The following RIC1 variants were observed in gnomAD, a reference collection of about 807,000 sequenced individuals.
RIC1 encodes the protein RIC1 partner of RAB6A GEF complex.
A neutral mutation model predicts 169.0 loss-of-function variants in RIC1; 88 were observed. That is an observed-to-expected ratio of 0.52 (90% CI 0.44 to 0.62). The LOEUF (loss-of-function observed/expected upper bound fraction) is 0.62. Ranked by LOEUF, RIC1 falls within the 20% of genes least tolerant of loss-of-function variation. The pLI is 0.00. For missense variants in RIC1, 1,877 were observed against 1,725.5 expected (o/e 1.09, Z -1.56); for synonymous variants, 790 against 601.5 (o/e 1.31, Z -4.59).
At chr9:5,704,413 C>A (rs1822431569) in intron 3 of RIC1, among the ~76,000 whole-genome samples, 1 of 151,954 alleles carries the variant, frequency 6.6e-6, no homozygotes, top group African/African-American at 2.4e-5. Flanking sequence ...GATCTCACTA[C>A]ATTGTTCAAG....
Position 5,676,591 on chromosome 9 carries a change from A to G in RIC1, c.253-13368A>G, listed in dbSNP as rs145720306. On this transcript the variant is annotated intron_variant, in intron 2 of 25. Transcript: ENST00000414202. ...ATGTTAGTAATATTTTGAAAGCTCT[A>G]TTTCTGCATCATTATTAGAGCCATA... is the stretch of plus-strand genomic sequence containing the variant. 3.8e-3 allele frequency among the ~76,000 whole-genome samples: 583 copies of G among 152,298 alleles called. 2 individuals are homozygous for G. Among genetic ancestry groups the G allele is most frequent in the African/African-American group, 0.014 (566 of 41,566 alleles).
intron 3 of RIC1, among the ~76,000 whole-genome samples, chr9:5,706,345 G>A (rs1036433833): frequency 1.1e-4 from 16 of 152,112 alleles, no homozygotes; most frequent in African/African-American, 3.4e-4. Context: ...CCAGGTACTC[G>A]GGAGGCTAAG....
intron 17 of RIC1, among the ~76,000 whole-genome samples, chr9:5,760,388 TACCC>T (rs1208138767): frequency 6.6e-6 from 1 of 152,234 alleles, no homozygotes. Flanking sequence ...ATACTGATAA[TACCC>T]ACTCACTGAA....
Position 5,765,358 on chromosome 9 carries a change from A to G in RIC1, c.2842-56A>G, listed in dbSNP as rs1031322359. ...TAGAAAACGAGATAAAGAATTGCTC[A>G]TATCTTCCCAAATTGTGTAGTATAA... is the stretch of plus-strand genomic sequence containing the variant. On this transcript the variant is annotated intron_variant, in intron 19 of 25. Coordinates refer to ENST00000414202, the MANE Select transcript of RIC1 (RefSeq NM_020829.4). The G allele has an allele frequency of 2.2e-5, 34 of 1,549,406 alleles. No homozygotes were observed. In the African/African-American group the frequency reaches 3.6e-4, roughly 16 times the overall value.
intron 3 of RIC1, among the ~76,000 whole-genome samples, chr9:5,706,769 A>AT (rs1563915753): frequency 2.6e-5 from 4 of 152,058 alleles, no homozygotes; most frequent in Admixed American, 2.6e-4. Flanking sequence ...AACCCATACT[A>AT]TTTTTTTGTA....
chr9:5,748,701 G>C (rs1825537269), intron 12 of RIC1: 1 of 152,762 alleles, frequency 6.5e-6, no homozygotes, highest in Admixed American at 6.5e-5. Context: ...AAGTAGAGCA[G>C]AGGATCAAAG....
At chr9:5,761,971 C>T (rs1826365067) in intron 17 of RIC1, among the ~76,000 whole-genome samples, 1 of 152,192 alleles carries the variant, frequency 6.6e-6, no homozygotes, top group Non-Finnish European at 1.5e-5. Flanking sequence ...TTTTAAATAA[C>T]TGTCTTATTC....
At chr9:5,742,487 C>G (rs1825138792) in intron 8 of RIC1, among the ~76,000 whole-genome samples, 1 of 151,882 alleles carries the variant, frequency 6.6e-6, no homozygotes, top group South Asian at 2.1e-4. Context: ...TACTGTGTAG[C>G]TTTTTTTAAG....
chr9:5,777,704 C>T (rs1473141981), downstream of RIC1, among the ~76,000 whole-genome samples: 2 of 152,118 alleles, frequency 1.3e-5, no homozygotes, highest in Non-Finnish European at 2.9e-5. Flanking sequence ...TGACTTCGTT[C>T]TTCTAACGTG....
chr9:5,680,427 T>G (rs1013770665), intron 2 of RIC1, among the ~76,000 whole-genome samples: 1 of 152,224 alleles, frequency 6.6e-6, no homozygotes, highest in African/African-American at 2.4e-5. Context: ...TACCATCTCT[T>G]CCTTGTACCT....
At chr9:5,657,595 G>T (rs1819176319) in intron 2 of RIC1, among the ~76,000 whole-genome samples, 1 of 152,084 alleles carries the variant, frequency 6.6e-6, no homozygotes, top group African/African-American at 2.4e-5. Context: ...TAGCTACTCA[G>T]CTTCCATTTA....
intron 2 of RIC1, among the ~76,000 whole-genome samples, chr9:5,679,157 A>G (rs1482993126): frequency 2.0e-5 from 3 of 152,086 alleles, no homozygotes; most frequent in East Asian, 1.9e-4. Flanking sequence ...ATAGTTGTAG[A>G]TATGTGGCAT....
intron 22 of RIC1, among the ~76,000 whole-genome samples, 182 bp from the exon 23 acceptor site, chr9:5,769,905 A>G (rs1483635082): frequency 6.6e-6 from 1 of 152,220 alleles, no homozygotes; most frequent in Non-Finnish European, 1.5e-5. Flanking sequence ...TGGTCAGTCC[A>G]TTGTTACACA....
rs925402234 is a variant in RIC1, at chr9:5,629,251, G to A, written c.-59G>A. ...TGGCGGTGTGGGAGGTGGGCGACCA[G>A]CCCGGGGCCGCTGAGTGTGACGGAC... On this transcript the variant is annotated 5_prime_UTR_variant, in exon 1 of 26. Coordinates refer to ENST00000414202, the MANE Select transcript of RIC1 (RefSeq NM_020829.4). The A allele has an allele frequency of 1.4e-6, 2 of 1,391,726 alleles. No individual in the cohort carries two copies. The highest frequency in any genetic ancestry group is 1.9e-6 in the Non-Finnish European group (2 of 1,070,604). 86.2% of individuals were successfully genotyped at this position (1,391,726 alleles called of 1,614,324 possible). A position where few individuals can be genotyped will look rare whatever the true frequency, so the allele number is the denominator to read the frequency against.
intron 1 of RIC1, among the ~76,000 whole-genome samples, chr9:5,646,124 G>A (rs1024881173): frequency 6.6e-6 from 1 of 151,924 alleles, no homozygotes; most frequent in African/African-American, 2.4e-5. Flanking sequence ...CATTCCATTG[G>A]GTCCAATGTG....
In RIC1 at chr9:5,746,006, C is replaced by T. The variant is rs1825355412; in HGVS notation, c.1171C>T (p.Leu391Phe). 1 of 1,613,472 alleles carries T rather than the reference C, an allele frequency of 6.2e-7. No homozygotes were observed. Among genetic ancestry groups the T allele is most frequent in the African/African-American group, 1.3e-5 (1 of 74,872 alleles). The stretch of plus-strand genomic sequence containing the variant: ...TCAAAACACTGAAATTGAGTCTGAC[C>T]TCAGGAGTGTAGTTAAACAGCCCAG... Reference protein sequence around the residue: ...GSQNTEIESDLRSVVKQPSIL... With the variant: ...GSQNTEIESDFRSVVKQPSIL... The change falls in exon 11 of 26, where the codon CTC becomes TTC. Residue 391 changes from leucine to phenylalanine, a missense_variant. This residue lies in a region of RIC1 where 1,104 missense variants were observed against 992.0 expected (regional missense o/e 1.11). Transcript: ENST00000414202.
chr9:5,742,778 T>G, intron 8 of RIC1, 91 bp from the exon 9 acceptor site: 1 of 1,172,326 alleles, frequency 8.5e-7, no homozygotes, highest in Non-Finnish European at 1.2e-6. Flanking sequence ...CATTTAGATT[T>G]GAAAATACAG....
At chr9:5,737,769 A>G (rs1273944062) in intron 7 of RIC1, among the ~76,000 whole-genome samples, 2 of 151,294 alleles carry the variant, frequency 1.3e-5, no homozygotes, top group East Asian at 1.9e-4. Flanking sequence ...AATATAGTCA[A>G]TTAACACATA....
chr9:5,709,742 GA>G (rs1563917595), intron 3 of RIC1, among the ~76,000 whole-genome samples: 1 of 152,074 alleles, frequency 6.6e-6, no homozygotes, highest in African/African-American at 2.4e-5. Flanking sequence ...GAGAAAGTCA[GA>G]ATTTTTTTGT....
Sources: gnomAD v4.1 joint callset for allele counts (sites outside exome capture counted in the v4.1 genomes callset) on GRCh38, gnomAD v4.1.1 for gene constraint, gnomAD v4.1.1 regional missense constraint, MANE v1.5 for transcripts, NCBI Gene and HGNC (gene_info 2026-07-23, HGNC 2026-07-21) for gene names.